The following KIAA0319L variants were observed in gnomAD, a reference collection of about 807,000 sequenced individuals.
KIAA0319L encodes the protein KIAA0319 like.
Under a neutral mutation model 120.1 loss-of-function variants are expected in KIAA0319L, and 55 were observed. That is an observed-to-expected ratio of 0.46 (90% CI 0.37 to 0.57). KIAA0319L has a LOEUF of 0.57. KIAA0319L is among the 20% of genes least tolerant of loss of function. The pLI is 0.00. For synonymous variants in KIAA0319L, 398 were observed against 471.9 expected, an observed-to-expected ratio of 0.84 and a Z score of 2.03; for missense variants, 1,049 against 1,255.3, an observed-to-expected ratio of 0.84 and a Z score of 2.48.
intron 2 of KIAA0319L, among the ~76,000 whole-genome samples, chr1:35,513,202 C>A (rs190945463): frequency 1.1e-4 from 16 of 145,378 alleles, no homozygotes; most frequent in African/African-American, 4.1e-4. Flanking sequence ...TAAATTTAGA[C>A]GTTAACTTAT....
At chr1:35,452,704 T>C (rs1391234424) in intron 12 of KIAA0319L, among the ~76,000 whole-genome samples, 1 of 152,234 alleles carries the variant, frequency 6.6e-6, no homozygotes, top group East Asian at 1.9e-4. Flanking sequence ...GATTATGTTC[T>C]ACAAAAGATA....
At chr1:35,455,959 T>A (rs1490084293) in intron 10 of KIAA0319L, 54 bp downstream of exon 10, 8 of 1,353,816 alleles carry the variant, frequency 5.9e-6, no homozygotes, top group Admixed American at 1.9e-5. Flanking sequence ...AAAAATGCAG[T>A]CCAGCAGCTC....
Position 35,456,033 on chromosome 1 carries a change from C to T in KIAA0319L, c.1636G>A (p.Gly546Arg). ...CCTACCTGCATCTCCACCACTTTCC[C>T]TTTGCTGCTTGGGCTGAGTGACCAC... ...YEWSLSPSSK[G>R]KVVEMQGVRT... Residue 546 changes from glycine (G) to arginine (R), a missense_variant, in exon 10 of 21, where the codon GGG becomes AGG. By Grantham distance (125) the Gly-to-Arg change is moderately radical. Transcript: ENST00000325722. 1.2e-6 allele frequency: 2 copies of T among 1,613,312 alleles called. No individual in the cohort carries two copies. The highest frequency in any genetic ancestry group is 1.7e-6 in the Non-Finnish European group (2 of 1,179,558).
At chr1:35,457,808 A>T (rs1642591325) in intron 9 of KIAA0319L, among the ~76,000 whole-genome samples, 1 of 152,244 alleles carries the variant, frequency 6.6e-6, no homozygotes, top group South Asian at 2.1e-4. Flanking sequence ...TACAGCCTTT[A>T]GGAAAAAAGC....
At chr1:35,478,901 A>G in intron 4 of KIAA0319L, 65 bp downstream of exon 4, 1 of 1,555,758 alleles carries the variant, frequency 6.4e-7, no homozygotes, top group Non-Finnish European at 8.8e-7. Flanking sequence ...TCTTTCCTCT[A>G]AAAGGGAATA....
At chr1:35,513,891 C>T (rs1367693582) in intron 2 of KIAA0319L, among the ~76,000 whole-genome samples, 1 of 152,168 alleles carries the variant, frequency 6.6e-6, no homozygotes, top group Non-Finnish European at 1.5e-5. Context: ...GGTTCACATT[C>T]ATTTACAGAG....
At chr1:35,508,232 T>C (rs1645280989) in intron 2 of KIAA0319L, among the ~76,000 whole-genome samples, 1 of 152,234 alleles carries the variant, frequency 6.6e-6, no homozygotes, top group Non-Finnish European at 1.5e-5. Context: ...TTCTGTGTTC[T>C]GGGCACCTCT....
rs533050853 is a variant in KIAA0319L, at chr1:35,454,645, A to G, written c.1657-160T>C. ...AGCATGTGAGTGAATATGGAGTCAGATATCATGAGGCACCTTGCTAAGGGT... is the reference window on the plus strand; with the variant it reads ...AGCATGTGAGTGAATATGGAGTCAGGTATCATGAGGCACCTTGCTAAGGGT... On this transcript the variant is annotated intron_variant, in intron 10 of 20. Coordinates refer to ENST00000325722, the MANE Select transcript of KIAA0319L (RefSeq NM_024874.5). 5 of 1,413,626 alleles carry G rather than the reference A, an allele frequency of 3.5e-6. No individual in the cohort carries two copies. The African/African-American group carries it at 4.3e-5, about 12-fold the overall frequency. 87.6% of individuals were successfully genotyped at this position (1,413,626 alleles called of 1,614,324 possible).
At chr1:35,546,607 GAGTA>G (rs1646992272) in intron 2 of KIAA0319L, among the ~76,000 whole-genome samples, 1 of 152,182 alleles carries the variant, frequency 6.6e-6, no homozygotes, top group South Asian at 2.1e-4. Flanking sequence ...TTTATTGACT[GAGTA>G]AGTAATTTTA....
chr1:35,548,091 A>G (rs1202393468), intron 2 of KIAA0319L, among the ~76,000 whole-genome samples: 1 of 151,934 alleles, frequency 6.6e-6, no homozygotes, highest in Non-Finnish European at 1.5e-5. Context: ...ACTGCAGTCC[A>G]GCCTGGGCAA....
At chr1:35,485,421 C>T (rs1644351230) in intron 3 of KIAA0319L, among the ~76,000 whole-genome samples, 1 of 152,218 alleles carries the variant, frequency 6.6e-6, no homozygotes, top group African/African-American at 2.4e-5. Context: ...GCTTTGCCAT[C>T]TGCCAATCTA....
In KIAA0319L at chr1:35,515,267, G is replaced by A. The variant is rs562001767; in HGVS notation, c.143-8132C>T. Among the ~76,000 whole-genome samples, 12 of 150,412 alleles carry A rather than the reference G, an allele frequency of 8.0e-5. No individual in the cohort carries two copies. In the South Asian group the frequency reaches 1.9e-3, roughly 24 times the overall value. Reference sequence around the variant, plus strand: ...GCAGAGGCTGTAGTGAGCTGAGATCGTGCCATTGCACTCCAGCCTGGACAA... The same window carrying A: ...GCAGAGGCTGTAGTGAGCTGAGATCATGCCATTGCACTCCAGCCTGGACAA... On this transcript the variant is annotated intron_variant, in intron 2 of 20. Transcript: ENST00000325722.
At chr1:35,507,530 T>C (rs11264166) in intron 2 of KIAA0319L, among the ~76,000 whole-genome samples, 23,493 of 152,114 alleles carry the variant, frequency 0.15, 3,606 homozygotes, top group East Asian at 0.52. Flanking sequence ...GACCTCCCAC[T>C]CACCTCCAAG....
chr1:35,445,911 G>A (rs1641585052), intron 16 of KIAA0319L, among the ~76,000 whole-genome samples: 1 of 152,160 alleles, frequency 6.6e-6, no homozygotes, highest in Non-Finnish European at 1.5e-5. Context: ...TGTCAACAGT[G>A]CTCTTACCAG....
chr1:35,532,023 G>A (rs1418510421), intron 2 of KIAA0319L, among the ~76,000 whole-genome samples: 2 of 152,156 alleles, frequency 1.3e-5, no homozygotes, highest in East Asian at 1.9e-4. Flanking sequence ...CACTTTGGGA[G>A]GCCAAGGCAG....
At position 35,454,563 on chromosome 1, in the gene KIAA0319L, G is replaced by A. The variant is rs762032251; in HGVS notation, c.1657-78C>T. 14 of 1,576,962 alleles carry A rather than the reference G, an allele frequency of 8.9e-6. No homozygotes were observed. The Admixed American group carries it at 1.1e-4, about 12-fold the overall frequency. On this transcript the variant is annotated intron_variant, in intron 10 of 20. Transcript: ENST00000325722. The stretch of plus-strand genomic sequence containing the variant: ...CAATAATTCCGACTCTGGTAAAAAC[G>A]ATTTAGTTTTCTAAACCAAAGACCT...
chr1:35,512,871 C>CAAAAAA (rs746942793), intron 2 of KIAA0319L, among the ~76,000 whole-genome samples: 3 of 48,336 alleles, frequency 6.2e-5, no homozygotes, highest in African/African-American at 1.1e-4. Context: ...GACTCCATCT[C>CAAAAAA]AAAAAAAAAA....
At chr1:35,487,015 C>T (rs142316584) in intron 3 of KIAA0319L, among the ~76,000 whole-genome samples, 1 of 152,330 alleles carries the variant, frequency 6.6e-6, no homozygotes, top group Non-Finnish European at 1.5e-5. Flanking sequence ...TTGGAGCCAC[C>T]TTCTATTGAC....
chr1:35,511,914 GTTC>G (rs1645461748), intron 2 of KIAA0319L, among the ~76,000 whole-genome samples: 2 of 152,086 alleles, frequency 1.3e-5, no homozygotes, highest in African/African-American at 4.8e-5. Context: ...TATATATTAT[GTTC>G]TTATTTATAT....
Sources: gnomAD v4.1 joint callset for allele counts (sites outside exome capture counted in the v4.1 genomes callset) on GRCh38, gnomAD v4.1.1 for gene constraint, MANE v1.5 for transcripts, NCBI Gene and HGNC (gene_info 2026-07-23, HGNC 2026-07-21) for gene names.